The following HMGB1 variants were observed in gnomAD, a reference collection of about 807,000 sequenced individuals.
HMGB1 encodes high mobility group box 1.
For missense variants in HMGB1, 79 were observed against 253.5 expected, an observed-to-expected ratio of 0.31 and a Z score of 4.67; for synonymous variants, 81 against 84.0, an observed-to-expected ratio of 0.96 and a Z score of 0.19.
chr13:30,599,736 G>A (rs1026726833), intron 1 of HMGB1, among the ~76,000 whole-genome samples: 1 of 152,100 alleles, frequency 6.6e-6, no homozygotes, highest in African/African-American at 2.4e-5. Context: ...TATTGGATTA[G>A]GGTCCACCAT....
chr13:30,607,753 G>A (rs1194746246), intron 1 of HMGB1, among the ~76,000 whole-genome samples: 1 of 152,170 alleles, frequency 6.6e-6, no homozygotes, highest in African/African-American at 2.4e-5. Flanking sequence ...GGGGCTGGTA[G>A]TAGAGAATCA....
chr13:30,612,171 A>C (rs1950518651), intron 1 of HMGB1, among the ~76,000 whole-genome samples: 1 of 152,210 alleles, frequency 6.6e-6, no homozygotes, highest in Middle Eastern at 3.2e-3. Context: ...ACATATATAC[A>C]CACACATACA....
At chr13:30,508,333 G>A (rs1270973006) in intron 1 of HMGB1, among the ~76,000 whole-genome samples, 2 of 152,028 alleles carry the variant, frequency 1.3e-5, no homozygotes, top group African/African-American at 4.8e-5. Context: ...CCAACATGGT[G>A]AAACCCCATC....
At chr13:30,570,265 C>CTTA (rs1277498170) in intron 1 of HMGB1, among the ~76,000 whole-genome samples, 6 of 152,164 alleles carry the variant, frequency 3.9e-5, no homozygotes, top group Admixed American at 1.3e-4. Context: ...CCAGCCTGGT[C>CTTA]AACATAGCGA....
intron 1 of HMGB1, among the ~76,000 whole-genome samples, chr13:30,480,252 T>G (rs1172483296): frequency 6.6e-6 from 1 of 152,258 alleles, no homozygotes; most frequent in Non-Finnish European, 1.5e-5. Context: ...AAAATATGTA[T>G]TCGTTAAATT....
intron 1 of HMGB1, among the ~76,000 whole-genome samples, chr13:30,595,831 T>C (rs984771198): frequency 4.6e-5 from 7 of 152,194 alleles, no homozygotes; most frequent in Non-Finnish European, 1.0e-4. Flanking sequence ...ACCTTCCCCA[T>C]AGTGAGTATT....
intron 1 of HMGB1, among the ~76,000 whole-genome samples, chr13:30,481,578 T>C (rs1887229071): frequency 6.6e-6 from 1 of 152,222 alleles, no homozygotes; most frequent in South Asian, 2.1e-4. Context: ...AATCCCATCA[T>C]ACCTTAGGAC....
intron 1 of HMGB1, among the ~76,000 whole-genome samples, chr13:30,607,366 C>G (rs1410498957): frequency 6.6e-6 from 1 of 151,898 alleles, no homozygotes; most frequent in African/African-American, 2.4e-5. Context: ...ATGGGGGCGG[C>G]CTTCCCCCTT....
At chr13:30,616,443 TACTC>T (rs1257800129) in intron 1 of HMGB1, among the ~76,000 whole-genome samples, 2 of 152,262 alleles carry the variant, frequency 1.3e-5, no homozygotes, top group Non-Finnish European at 2.9e-5. Flanking sequence ...TATGAGTTAA[TACTC>T]AGCAAGTTTG....
intron 1 of HMGB1, chr13:30,616,547 G>GAAGTAC (rs1382810143): frequency 6.6e-6 from 1 of 152,138 alleles, no homozygotes; most frequent in Non-Finnish European, 1.5e-5. Context: ...ATTTCAGGAG[G>GAAGTAC]AAGTACTACT....
At chr13:30,577,570 C>A (rs1300739350) in intron 1 of HMGB1, among the ~76,000 whole-genome samples, 1 of 152,146 alleles carries the variant, frequency 6.6e-6, no homozygotes, top group Non-Finnish European at 1.5e-5. Flanking sequence ...TAGAGTCCAG[C>A]CACTCTCTCA....
intron 1 of HMGB1, among the ~76,000 whole-genome samples, chr13:30,613,077 T>C (rs1352080878): frequency 6.6e-6 from 1 of 152,192 alleles, no homozygotes; most frequent in Non-Finnish European, 1.5e-5. Flanking sequence ...CTTTTAGGCC[T>C]TGTTTTTGCT....
chr13:30,463,983 ATGAG>A (rs1593255611), intron 1 of HMGB1: 1 of 468,974 alleles, frequency 2.1e-6, no homozygotes, highest in Non-Finnish European at 3.0e-6. Context: ...TCTGCTCTGA[ATGAG>A]TATCTAACTG....
chr13:30,479,466 T>G (rs138325550), intron 1 of HMGB1, among the ~76,000 whole-genome samples: 299 of 152,358 alleles, frequency 2.0e-3, no homozygotes, highest in African/African-American at 6.5e-3. Flanking sequence ...CTGGCTCAAA[T>G]TCTAGCAGTT....
chr13:30,603,810 C>T (rs910486266), intron 1 of HMGB1, among the ~76,000 whole-genome samples: 3 of 152,112 alleles, frequency 2.0e-5, no homozygotes, highest in Non-Finnish European at 2.9e-5. Context: ...ATACCTCATA[C>T]GATGAAAATA....
chr13:30,590,668 G>T (rs988450782), intron 1 of HMGB1, among the ~76,000 whole-genome samples: 1 of 152,168 alleles, frequency 6.6e-6, no homozygotes, highest in Admixed American at 6.5e-5. Context: ...CCTCAAATTC[G>T]TATGTTGAAA....
rs201119001 is a variant in HMGB1, at chr13:30,538,511, C to A, written c.-14-74817G>T. ...CTTTCTTTCTTTCTTTCTTTCTTTC[C>A]TTTCTTTCTTTCCTTTCTTTCTTTC... On this transcript the variant is annotated intron_variant, in intron 1 of 4. Transcript: ENST00000405805. Among the ~76,000 whole-genome samples the A allele has an allele frequency of 2.1e-4, 17 of 80,444 alleles. 2 individuals are homozygous for A. The highest frequency in any genetic ancestry group is 1.5e-3 in the African/African-American group (14 of 9,288). 52.8% of individuals were successfully genotyped at this position (80,444 alleles called of 152,430 possible). A position where few individuals can be genotyped will look rare whatever the true frequency, so the allele number is the denominator to read the frequency against.
At chr13:30,614,167 A>T (rs1448000787) in intron 1 of HMGB1, among the ~76,000 whole-genome samples, 1 of 152,236 alleles carries the variant, frequency 6.6e-6, no homozygotes, top group East Asian at 1.9e-4. Flanking sequence ...AACTGGTAGC[A>T]CTGGTTGCTT....
chr13:30,490,735 A>G (rs1887471431), intron 1 of HMGB1, among the ~76,000 whole-genome samples: 2 of 152,188 alleles, frequency 1.3e-5, no homozygotes, highest in South Asian at 4.1e-4. Flanking sequence ...ATGAGCTATG[A>G]TCACACCACT....
Sources: gnomAD v4.1 joint callset for allele counts (sites outside exome capture counted in the v4.1 genomes callset) on GRCh38, gnomAD v4.1.1 for gene constraint, MANE v1.5 for transcripts, NCBI Gene and HGNC (gene_info 2026-07-23, HGNC 2026-07-21) for gene names.